Variants in TTLL11 observed in about 807,000 individuals in gnomAD.
TTLL11 encodes tubulin tyrosine ligase like 11, also known as tubulin polyglutamylase TTLL11.
TTLL11 carries 42 observed loss-of-function variants against 51.7 expected under a neutral mutation model. The observed-to-expected ratio is 0.81, with a 90% CI of 0.64 to 1.05. The LOEUF (loss-of-function observed/expected upper bound fraction) is 1.05, where lower values mean the gene tolerates loss of function less well. TTLL11 is among the 50% of genes least tolerant of loss of function. The pLI is 0.00. For synonymous variants in TTLL11, 381 were observed against 383.5 expected, an observed-to-expected ratio of 0.99 and a Z score of 0.08; for missense variants, 799 against 940.4, an observed-to-expected ratio of 0.85 and a Z score of 1.97.
chr9:122,005,116 G>A (rs571431275), intron 3 of TTLL11, among the ~76,000 whole-genome samples: 2 of 152,300 alleles, frequency 1.3e-5, no homozygotes, highest in Non-Finnish European at 2.9e-5. Flanking sequence ...TAAAAGAGCA[G>A]TCCTGTCATG....
chr9:122,076,907 G>C (rs1845876719), intron 1 of TTLL11, among the ~76,000 whole-genome samples: 2 of 152,056 alleles, frequency 1.3e-5, no homozygotes, highest in Admixed American at 6.5e-5. Flanking sequence ...AGACATCTAA[G>C]ACAAAGGGAT....
chr9:121,869,911 C>T (rs7866834), intron 7 of TTLL11, among the ~76,000 whole-genome samples: 2,917 of 152,288 alleles, frequency 0.019, 63 homozygotes, highest in African/African-American at 0.066. Context: ...GGAAACCAAG[C>T]GGCAACTGCT....
chr9:122,015,386 G>C (rs1244659334), intron 3 of TTLL11, among the ~76,000 whole-genome samples: 1 of 152,122 alleles, frequency 6.6e-6, no homozygotes, highest in African/African-American at 2.4e-5. Context: ...GAAGCAGATG[G>C]GGAGGTGAAA....
intron 6 of TTLL11, among the ~76,000 whole-genome samples, chr9:121,899,365 G>GTATATATATATACATATATATATATA (rs1219549694): frequency 7.5e-4 from 85 of 113,148 alleles, no homozygotes; most frequent in Non-Finnish European, 1.3e-3. Flanking sequence ...ATGTGTGTGT[G>GTATATATATATACATATATATATATA]TATATATATA....
At chr9:121,823,795 G>A (rs1300971424) in intron 8 of TTLL11, among the ~76,000 whole-genome samples, 3 of 152,130 alleles carry the variant, frequency 2.0e-5, no homozygotes, top group African/African-American at 7.2e-5. Flanking sequence ...CCATATTCTG[G>A]AAAGAATAAA....
intron 6 of TTLL11, among the ~76,000 whole-genome samples, chr9:121,938,270 C>G (rs1321688111): frequency 1.4e-5 from 2 of 139,508 alleles, no homozygotes; most frequent in Non-Finnish European, 3.0e-5. Flanking sequence ...GCCTGGGGAA[C>G]AGAGTGAGAC....
intron 6 of TTLL11, among the ~76,000 whole-genome samples, chr9:121,874,927 T>C (rs1000684742): frequency 2.0e-5 from 3 of 152,076 alleles, no homozygotes; most frequent in African/African-American, 4.8e-5. Context: ...TGGCTAATTT[T>C]TTTTTTCTTT....
chr9:121,932,459 T>C (rs1412269012), intron 6 of TTLL11, among the ~76,000 whole-genome samples: 3 of 152,154 alleles, frequency 2.0e-5, no homozygotes, highest in African/African-American at 7.2e-5. Context: ...ACGAGTAGGA[T>C]GAGCTTTCAC....
intron 8 of TTLL11, among the ~76,000 whole-genome samples, chr9:121,850,078 T>TAAA (rs371186883): frequency 6.6e-6 from 1 of 151,246 alleles, no homozygotes; most frequent in African/African-American, 2.4e-5. Flanking sequence ...TTATTTTTCT[T>TAAA]AAAAAAAACC....
intron 8 of TTLL11, among the ~76,000 whole-genome samples, chr9:121,849,754 A>G (rs904019048): frequency 2.0e-5 from 3 of 152,230 alleles, no homozygotes; most frequent in Admixed American, 6.5e-5. Context: ...CTAAGTGTTG[A>G]CAAGGATGTG....
In TTLL11 at chr9:121,818,095, G is replaced by T. The variant is rs1005619022; in HGVS notation, c.*4492C>A. ...CTCAACAACCCCACACAAACTCAGG[G>T]CAATGCAGAGTTGAAAGGAGGCTGG... On this transcript the variant is annotated 3_prime_UTR_variant, in exon 9 of 9. Transcript: ENST00000321582. The T allele has an allele frequency of 6.6e-6, 1 of 152,336 alleles. No individual in the cohort carries two copies. Among genetic ancestry groups the T allele is most frequent in the Non-Finnish European group, 1.5e-5 (1 of 68,158 alleles). The allele number at this position is 152,336 out of a possible 1,614,324, so 9.4% of individuals were successfully genotyped here.
At chr9:121,951,696 G>A (rs969331616) in intron 6 of TTLL11, among the ~76,000 whole-genome samples, 4 of 152,196 alleles carry the variant, frequency 2.6e-5, no homozygotes, top group Admixed American at 1.3e-4. Flanking sequence ...GACTCCAAGA[G>A]AGGTTTCTTG....
intron 8 of TTLL11, among the ~76,000 whole-genome samples, chr9:121,840,651 C>T (rs1257610945): frequency 6.6e-6 from 1 of 152,208 alleles, no homozygotes; most frequent in African/African-American, 2.4e-5. Context: ...CTGCCTCAGC[C>T]TCCCAAAGTG....
At chr9:121,953,664 T>C (rs1278194291) in intron 6 of TTLL11, among the ~76,000 whole-genome samples, 1 of 142,250 alleles carries the variant, frequency 7.0e-6, no homozygotes, top group Non-Finnish European at 1.5e-5. Flanking sequence ...AGAAGAAGAT[T>C]AACCAAAGCA....
At chr9:121,931,583 T>TAAAAAAA (rs1564311677) in intron 6 of TTLL11, among the ~76,000 whole-genome samples, 7 of 103,816 alleles carry the variant, frequency 6.7e-5, no homozygotes, top group Admixed American at 2.2e-4. Flanking sequence ...TTTCTACTAT[T>TAAAAAAA]TAAAAAAAAA....
rs543388469 is a variant in TTLL11, at chr9:122,061,763, G to C, written c.463-22395C>G. 3.2e-3 allele frequency among the ~76,000 whole-genome samples: 483 copies of C among 152,106 alleles called. 1 individual carries two copies. Among genetic ancestry groups the C allele is most frequent in the African/African-American group, 0.011 (459 of 41,472 alleles). ...AGCGATTCTCTTGTCTCAGCCTCCT[G>C]AGTAGCTGGGACTATAGACACCCAC... On this transcript the variant is annotated intron_variant, in intron 1 of 8. Transcript: ENST00000321582.
At chr9:121,834,949 A>C (rs1421250835) in intron 8 of TTLL11, among the ~76,000 whole-genome samples, 1 of 152,066 alleles carries the variant, frequency 6.6e-6, no homozygotes, top group Non-Finnish European at 1.5e-5. Context: ...CTCCTACTGA[A>C]GTTGGCCAAT....
intron 1 of TTLL11, among the ~76,000 whole-genome samples, chr9:122,092,370 G>C (rs371698594): frequency 6.6e-6 from 1 of 152,238 alleles, no homozygotes. Context: ...CTTACAAGCT[G>C]GTGGAGGAGA....
intron 3 of TTLL11, among the ~76,000 whole-genome samples, chr9:121,997,492 G>A (rs888841706): frequency 3.3e-5 from 5 of 152,070 alleles, no homozygotes; most frequent in African/African-American, 9.7e-5. Flanking sequence ...TGACACAGGC[G>A]CACGTGGGGG....
Sources: allele counts gnomAD v4.1 joint callset (sites outside exome capture counted in the v4.1 genomes callset), GRCh38; gene constraint gnomAD v4.1.1; transcripts MANE v1.5; gene names NCBI Gene and HGNC (gene_info 2026-07-23, HGNC 2026-07-21).